Variants in RBL2 observed in about 807,000 individuals in gnomAD.
RBL2 encodes retinoblastoma-like protein 2.
A neutral mutation model predicts 126.0 loss-of-function variants in RBL2; 56 were observed. The observed-to-expected ratio is 0.44, with a 90% CI of 0.36 to 0.56. The LOEUF is 0.56. Among genes scored for constraint, RBL2 ranks in the 20% least tolerant of loss-of-function variants. RBL2 has a pLI of 0.00. For synonymous variants in RBL2, 454 were observed against 478.5 expected, an observed-to-expected ratio of 0.95 and a Z score of 0.67; for missense variants, 1,229 against 1,398.2, an observed-to-expected ratio of 0.88 and a Z score of 1.93.
chr16:53,475,977 G>A (rs1433545689), intron 17 of RBL2, among the ~76,000 whole-genome samples: 2 of 149,854 alleles, frequency 1.3e-5, no homozygotes, highest in Non-Finnish European at 3.0e-5. Context: ...GACCACAGCC[G>A]TGCACCACCA....
chr16:53,486,546 G>A (rs529337217), intron 21 of RBL2, among the ~76,000 whole-genome samples: 1 of 152,184 alleles, frequency 6.6e-6, no homozygotes, highest in Non-Finnish European at 1.5e-5. Context: ...AAGTGAAGGT[G>A]ATAAATGATC....
rs750488993 is a variant in RBL2 at position 53,469,912 on chromosome 16, C to T, written c.1976-4C>T. On this transcript the variant is annotated splice_region_variant and splice_polypyrimidine_tract_variant and intron_variant, in intron 14 of 21. Transcript: ENST00000262133. The stretch of plus-strand genomic sequence containing the variant: ...ATGCTTTGTTTGATTTGTTTTGACC[C>T]TAGGCATAACATCTCCAACCACATT... The T allele has an allele frequency of 6.5e-7, 1 of 1,546,954 alleles. No homozygotes were observed. The highest frequency in any genetic ancestry group is 1.2e-5 in the South Asian group (1 of 82,090).
chr16:53,441,354 G>C (rs556938893), intron 2 of RBL2, among the ~76,000 whole-genome samples: 2 of 152,082 alleles, frequency 1.3e-5, no homozygotes, highest in South Asian at 4.1e-4. Flanking sequence ...TATTGAAGGT[G>C]CACATTCTCT....
intron 19 of RBL2, 110 bp downstream of exon 19, chr16:53,480,101 A>G (rs1387605244): frequency 2.7e-6 from 2 of 741,038 alleles, no homozygotes; most frequent in African/African-American, 1.8e-5. Flanking sequence ...AGAAACTATG[A>G]AAGTGTTTTA....
At chr16:53,440,903 T>G (rs1042547271) in intron 2 of RBL2, among the ~76,000 whole-genome samples, 2 of 151,764 alleles carry the variant, frequency 1.3e-5, no homozygotes, top group African/African-American at 4.8e-5. Context: ...TATACCAAGT[T>G]TGGTCACTGT....
At chr16:53,484,239 G>A (rs1277066075) in intron 21 of RBL2, among the ~76,000 whole-genome samples, 1 of 152,068 alleles carries the variant, frequency 6.6e-6, no homozygotes, top group African/African-American at 2.4e-5. Flanking sequence ...GATTAACAGA[G>A]TTAAATGGAA....
intron 18 of RBL2, 187 bp downstream of exon 18, chr16:53,479,412 A>G (rs1479951433): frequency 7.0e-6 from 4 of 570,300 alleles, no homozygotes; most frequent in African/African-American, 1.9e-5. Context: ...TTTCCTCAAA[A>G]GGCAACAATG....
intron 14 of RBL2, 92 bp from the exon 15 acceptor site, chr16:53,469,824 A>T: frequency 7.4e-7 from 1 of 1,354,866 alleles, no homozygotes; most frequent in Non-Finnish European, 9.9e-7. Flanking sequence ...TATTTCAAAC[A>T]CTGTAGTTAT....
intron 18 of RBL2, chr16:53,479,509 G>A: frequency 2.0e-6 from 1 of 497,116 alleles, no homozygotes; most frequent in Non-Finnish European, 3.6e-6. Context: ...CTTTCATTCT[G>A]GTTTAGTAAA....
chr16:53,491,610 G>GAAGAT lies in RBL2; in HGVS notation c.*1314_*1318dup, dbSNP rs1961465369. 6.6e-6 allele frequency: 1 copy of GAAGAT among 152,600 alleles called. No homozygotes were observed. Among genetic ancestry groups the GAAGAT allele is most frequent in the Non-Finnish European group, 1.5e-5 (1 of 68,018 alleles). 9.5% of individuals were successfully genotyped at this position (152,600 alleles called of 1,614,324 possible). On this transcript the variant is annotated 3_prime_UTR_variant, in exon 22 of 22. Transcript: ENST00000262133. Reference sequence around the variant, plus strand: ...AGATACTGCTACTGTAATTTTATATGAAGATAAGTGTATTTTTCAATAAAG... The same window carrying GAAGAT: ...AGATACTGCTACTGTAATTTTATATGAAGATAAGATAAGTGTATTTTTCAATAAAG...
chr16:53,465,378 G>C, intron 12 of RBL2, 60 bp from the exon 13 acceptor site: 1 of 1,147,928 alleles, frequency 8.7e-7, no homozygotes, highest in Admixed American at 3.6e-5. Context: ...CTAATTTCTT[G>C]TCTAAATATT....
chr16:53,444,147 G>A (rs1205501439), intron 3 of RBL2, among the ~76,000 whole-genome samples: 3 of 151,958 alleles, frequency 2.0e-5, no homozygotes, highest in South Asian at 2.1e-4. Context: ...TACTCGGGAG[G>A]CTGAGTCAGT....
chr16:53,447,183 T>C, intron 4 of RBL2, 77 bp downstream of exon 4: 1 of 802,106 alleles, frequency 1.2e-6, no homozygotes, highest in Non-Finnish European at 2.0e-6. Context: ...CAACTTCTAA[T>C]ATGTATCAGG....
chr16:53,469,928 C>T lies in RBL2; in HGVS notation c.1988C>T (p.Pro663Leu). 1.3e-6 allele frequency: 2 copies of T among 1,567,486 alleles called. No homozygotes were observed. Among genetic ancestry groups the T allele is most frequent in the Non-Finnish European group, 1.7e-6 (2 of 1,151,722 alleles). Reference sequence around the variant, plus strand: ...GTTTTGACCCTAGGCATAACATCTCCAACCACATTATACGATAGGTACAGC... The same window carrying T: ...GTTTTGACCCTAGGCATAACATCTCTAACCACATTATACGATAGGTACAGC... ...TGGLGRSITS[P>L]TTLYDRYSSP... The change falls in exon 15 of 22, where the codon CCA (proline) becomes CTA (leucine). Residue 663 changes from proline to leucine, a missense_variant. This residue lies in a region of RBL2 where 1,070 missense variants were observed against 1,274.3 expected (regional missense o/e 0.84). Coordinates refer to ENST00000262133, the MANE Select transcript of RBL2 (RefSeq NM_005611.4).
At chr16:53,434,936 A>C (rs1212068620) in intron 1 of RBL2, 140 bp downstream of exon 1, 5 of 1,296,496 alleles carry the variant, frequency 3.9e-6, no homozygotes, top group Non-Finnish European at 4.0e-6. Context: ...CCTCTGCGCT[A>C]TTCCGAGGCT....
In RBL2 at chr16:53,459,670, A is replaced by G. The variant is rs16952263; in HGVS notation, c.1346+53A>G. 4,602 of 1,452,668 alleles carry G rather than the reference A, an allele frequency of 3.2e-3. 124 individuals carry two copies. The African/African-American group carries it at 0.057, about 18-fold the overall frequency. The allele number at this position is 1,452,668 out of a possible 1,614,324, so 90.0% of individuals were successfully genotyped here. A position where few individuals can be genotyped will look rare whatever the true frequency, so the allele number is the denominator to read the frequency against. On this transcript the variant is annotated intron_variant, in intron 9 of 21. Coordinates refer to ENST00000262133, the MANE Select transcript of RBL2 (RefSeq NM_005611.4). The stretch of plus-strand genomic sequence containing the variant: ...AGATTTGGTTATTGACCATTTTCCA[A>G]TTTCCTATTCTTTCATTATTAATGC...
rs190456183 is a variant in RBL2 at position 53,457,134 on chromosome 16, T to C, written c.1179+2292T>C. Among the ~76,000 whole-genome samples the C allele has an allele frequency of 3.9e-4, 59 of 152,058 alleles. 1 individual carries two copies. Among genetic ancestry groups the C allele is most frequent in the Admixed American group, 3.7e-3 (57 of 15,250 alleles). On this transcript the variant is annotated intron_variant, in intron 8 of 21. Coordinates refer to ENST00000262133, the MANE Select transcript of RBL2 (RefSeq NM_005611.4). ...TAGCATGTTAAATTAGAGATGTCTT[T>C]TAAGCATCCTAGTAGAGAAGTTGAA... is the stretch of plus-strand genomic sequence containing the variant.
chr16:53,490,251 C>T lies in RBL2; in HGVS notation c.3371C>T (p.Ala1124Val), dbSNP rs763528167. Residue 1124 changes from alanine to valine, a missense_variant, in exon 22 of 22, where the codon GCC becomes GTC. By Grantham distance (64) the Ala-to-Val change is moderately conservative (BLOSUM62 0). Transcript: ENST00000262133. ...AKRICPENHS[A>V]LLRRLQDVAN... Reference sequence around the variant, plus strand: ...AGAATTTGCCCAGAAAATCATTCTGCCTTATTACGCCGTCTCCAAGATGTA... The same window carrying T: ...AGAATTTGCCCAGAAAATCATTCTGTCTTATTACGCCGTCTCCAAGATGTA... The T allele has an allele frequency of 1.2e-5, 20 of 1,612,456 alleles. No homozygotes were observed. The highest frequency in any genetic ancestry group is 5.0e-5 in the Admixed American group (3 of 59,822).
intron 13 of RBL2, chr16:53,466,823 A>G (rs1047374692): frequency 1.3e-5 from 5 of 392,518 alleles, no homozygotes; most frequent in African/African-American, 2.1e-5. Context: ...TTGATATTCA[A>G]ACTCTCCAAA....
Sources: gnomAD v4.1 joint callset for allele counts (sites outside exome capture counted in the v4.1 genomes callset) on GRCh38, gnomAD v4.1.1 for gene constraint, gnomAD v4.1.1 regional missense constraint, MANE v1.5 for transcripts, NCBI Gene and HGNC (gene_info 2026-07-23, HGNC 2026-07-21) for gene names.